Variants in SUCLA2 observed in about 807,000 individuals in gnomAD.
SUCLA2 encodes the protein succinate-CoA ligase ADP-forming subunit beta.
Under a neutral mutation model 54.8 loss-of-function variants are expected in SUCLA2, and 30 were observed. The ratio of observed to expected loss-of-function variants is 0.55; its 90% confidence interval spans 0.41 to 0.74. SUCLA2 has a LOEUF of 0.74. SUCLA2 is among the 30% of genes least tolerant of loss of function. The pLI is 0.00. For synonymous variants in SUCLA2, 172 were observed against 188.9 expected, an observed-to-expected ratio of 0.91 and a Z score of 0.74; for missense variants, 476 against 562.9, an observed-to-expected ratio of 0.85 and a Z score of 1.56.
At chr13:47,973,511 T>A in intron 4 of SUCLA2, 119 bp from the exon 5 acceptor site, 2 of 1,170,874 alleles carry the variant, frequency 1.7e-6, no homozygotes, top group Non-Finnish European at 2.5e-6. Context: ...ACCCACATTT[T>A]AAAATTTTCT....
chr13:47,973,508 T>A (rs148740101), intron 4 of SUCLA2, 116 bp from the exon 5 acceptor site: 1 of 1,203,828 alleles, frequency 8.3e-7, no homozygotes, highest in Non-Finnish European at 1.2e-6. Context: ...TCTACCCACA[T>A]TTTAAAATTT....
intron 5 of SUCLA2, chr13:47,971,931 A>G (rs1245811849): frequency 2.5e-6 from 1 of 398,530 alleles, no homozygotes; most frequent in African/African-American, 2.1e-5. Context: ...GTAAGTTATA[A>G]AAGACCTATG....
chr13:47,983,331 T>A (rs1446701167), intron 4 of SUCLA2, among the ~76,000 whole-genome samples: 2 of 152,150 alleles, frequency 1.3e-5, no homozygotes, highest in African/African-American at 4.8e-5. Context: ...AGGAAAAAAT[T>A]CTGATTGAAG....
In SUCLA2 at chr13:47,954,297, A is replaced by G. The variant is rs952963263; in HGVS notation, c.965-15T>C. ...AGCACCATTTACTATATAGGGGAAA[A>G]TGATTTGTATAAGCAACAAACACAG... On this transcript the variant is annotated splice_polypyrimidine_tract_variant and intron_variant, in intron 7 of 10. Transcript: ENST00000646932. 6.2e-7 allele frequency: 1 copy of G among 1,613,830 alleles called. No homozygotes were observed. Among genetic ancestry groups the G allele is most frequent in the Non-Finnish European group, 8.5e-7 (1 of 1,179,788 alleles).
intron 10 of SUCLA2, among the ~76,000 whole-genome samples, chr13:47,946,856 G>GA (rs911220921): frequency 6.6e-5 from 10 of 150,378 alleles, no homozygotes; most frequent in Non-Finnish European, 1.2e-4. Flanking sequence ...TGTCAGATAA[G>GA]AAAAAAAAAT....
chr13:47,949,554 A>T lies in SUCLA2; in HGVS notation c.1157T>A (p.Val386Asp), dbSNP rs756512531. ...NIFGGIMRCD[V>D]IAQGIVMAVK... The stretch of plus-strand genomic sequence containing the variant: ...TGCCATGACTATACCCTGTGCAATA[A>T]CATCACAGCGCATGATTCCTCCAAA... The change falls in exon 9 of 11, where the codon GTT becomes GAT. Residue 386 changes from valine to aspartate, a missense_variant. This residue lies in a region of SUCLA2 where 342 missense variants were observed against 444.2 expected (regional missense o/e 0.77). Coordinates refer to ENST00000646932, the MANE Select transcript of SUCLA2 (RefSeq NM_003850.3). The T allele has an allele frequency of 5.6e-6, 9 of 1,613,608 alleles. No individual in the cohort carries two copies. Among genetic ancestry groups the T allele is most frequent in the Non-Finnish European group, 7.6e-6 (9 of 1,179,668 alleles).
At chr13:47,959,338 T>A (rs1027593504) in intron 6 of SUCLA2, among the ~76,000 whole-genome samples, 8 of 151,558 alleles carry the variant, frequency 5.3e-5, no homozygotes, top group Non-Finnish European at 1.2e-4. Flanking sequence ...ATAAAGATAA[T>A]AATTTTGTAT....
intron 6 of SUCLA2, among the ~76,000 whole-genome samples, chr13:47,963,622 G>A (rs1052911755): frequency 2.0e-5 from 3 of 150,634 alleles, no homozygotes; most frequent in African/African-American, 7.3e-5. Flanking sequence ...TCCAGCCTAG[G>A]CAACAGAACG....
intron 4 of SUCLA2, 90 bp downstream of exon 4, chr13:47,988,451 A>G (rs1033667330): frequency 6.9e-7 from 1 of 1,454,914 alleles, no homozygotes; most frequent in African/African-American, 1.4e-5. Flanking sequence ...TACTTTTAAA[A>G]TCTTTCCCAC....
intron 2 of SUCLA2, among the ~76,000 whole-genome samples, chr13:47,992,996 A>T (rs1000911461): frequency 6.6e-6 from 1 of 152,152 alleles, no homozygotes; most frequent in South Asian, 2.1e-4. Flanking sequence ...TTGGGAAGCC[A>T]AGGGTGGGTG....
intron 2 of SUCLA2, among the ~76,000 whole-genome samples, chr13:47,992,754 A>C (rs772370599): frequency 3.3e-5 from 5 of 152,220 alleles, no homozygotes; most frequent in African/African-American, 7.2e-5. Flanking sequence ...CTAACTAATA[A>C]ATATTTAAAA....
chr13:47,956,452 T>C (rs1002113490), intron 6 of SUCLA2, among the ~76,000 whole-genome samples: 2 of 151,996 alleles, frequency 1.3e-5, no homozygotes, highest in Non-Finnish European at 2.9e-5. Flanking sequence ...AAAAGGAGAA[T>C]GGGACAGGAA....
intron 2 of SUCLA2, among the ~76,000 whole-genome samples, chr13:47,990,259 A>G (rs1373483881): frequency 6.6e-6 from 1 of 152,182 alleles, no homozygotes; most frequent in Admixed American, 6.5e-5. Flanking sequence ...GAGGCACAAG[A>G]ATCACTTGAA....
At chr13:47,987,963 C>G (rs1278032762) in intron 4 of SUCLA2, 1 of 152,040 alleles carries the variant, frequency 6.6e-6, no homozygotes, top group East Asian at 1.9e-4. Flanking sequence ...TTCTCTTCAC[C>G]AGAAGCTTTA....
chr13:47,979,416 T>C (rs1470488545), intron 4 of SUCLA2, among the ~76,000 whole-genome samples: 1 of 151,822 alleles, frequency 6.6e-6, no homozygotes, highest in Non-Finnish European at 1.5e-5. Context: ...CATGTTCTCA[T>C]CATAAGTGGG....
At chr13:47,954,051 T>A (rs1949797599) in intron 8 of SUCLA2, 89 bp downstream of exon 8, 5 of 1,174,324 alleles carry the variant, frequency 4.3e-6, no homozygotes, top group Non-Finnish European at 5.5e-6. Flanking sequence ...ATATGAATTC[T>A]AAATTCTAAA....
chr13:47,976,566 G>C (rs1950015381), intron 4 of SUCLA2, among the ~76,000 whole-genome samples: 1 of 152,116 alleles, frequency 6.6e-6, no homozygotes, highest in South Asian at 2.1e-4. Flanking sequence ...GAACAAAGGA[G>C]AGTACACAGG....
intron 10 of SUCLA2, among the ~76,000 whole-genome samples, chr13:47,947,334 A>C (rs1397072044): frequency 1.3e-5 from 2 of 152,102 alleles, no homozygotes; most frequent in Admixed American, 6.6e-5. Context: ...TACAAAAAAA[A>C]CAAAAAACAA....
chr13:47,997,810 A>G (rs1950201821), intron 1 of SUCLA2, among the ~76,000 whole-genome samples: 1 of 152,232 alleles, frequency 6.6e-6, no homozygotes, highest in Non-Finnish European at 1.5e-5. Flanking sequence ...CATAGAAACA[A>G]TCTGTTTCTT....
Sources: allele counts gnomAD v4.1 joint callset (sites outside exome capture counted in the v4.1 genomes callset), GRCh38; gene constraint gnomAD v4.1.1; regional missense constraint gnomAD v4.1.1; transcripts MANE v1.5; gene names NCBI Gene and HGNC (gene_info 2026-07-23, HGNC 2026-07-21).